PCDH15: variants seen among roughly 807,000 people sequenced by gnomAD.
PCDH15 encodes protocadherin-15.
Under a neutral mutation model 178.5 loss-of-function variants are expected in PCDH15, and 129 were observed. That is an observed-to-expected ratio of 0.72 (90% CI 0.63 to 0.84). The LOEUF (loss-of-function observed/expected upper bound fraction) is 0.84, where lower values mean the gene tolerates loss of function less well. Among genes scored for constraint, PCDH15 ranks in the 40% least tolerant of loss-of-function variants. The pLI is 0.00. For missense variants in PCDH15, 2,230 were observed against 2,099.9 expected, an observed-to-expected ratio of 1.06 and a Z score of -1.21; for synonymous variants, 800 against 732.0, an observed-to-expected ratio of 1.09 and a Z score of -1.50.
chr10:55,319,201 C>T (rs923322583), intron 1 of PCDH15, among the ~76,000 whole-genome samples: 7 of 152,106 alleles, frequency 4.6e-5, no homozygotes, highest in African/African-American at 1.4e-4. Context: ...GGACCAAAGG[C>T]TCTGTGAGTG....
At chr10:55,083,056 TAAGTA>T (rs1842082228) in intron 2 of PCDH15, among the ~76,000 whole-genome samples, 1 of 151,732 alleles carries the variant, frequency 6.6e-6, no homozygotes, top group African/African-American at 2.4e-5. Flanking sequence ...ACAAAGTCAG[TAAGTA>T]TAGTACTGAT....
chr10:54,817,259 GTAA>G (rs1952962271), intron 3 of PCDH15, among the ~76,000 whole-genome samples: 1 of 151,924 alleles, frequency 6.6e-6, no homozygotes, highest in Non-Finnish European at 1.5e-5. Context: ...CTTAGAAGCT[GTAA>G]TAATAATAGC....
intron 2 of PCDH15, among the ~76,000 whole-genome samples, chr10:55,102,071 C>T (rs188009799): frequency 3.2e-4 from 49 of 151,836 alleles, no homozygotes; most frequent in Non-Finnish European, 5.7e-4. Flanking sequence ...GACTATGATG[C>T]TCATCTTTAT....
At chr10:55,556,018 A>G (rs1315534616) in intron 2 of PCDH15, among the ~76,000 whole-genome samples, 1 of 152,064 alleles carries the variant, frequency 6.6e-6, no homozygotes, top group African/African-American at 2.4e-5. Context: ...TGCATATTTC[A>G]AACTTCTTTA....
chr10:55,578,724 C>G (rs1842546462), intron 2 of PCDH15, among the ~76,000 whole-genome samples: 2 of 152,108 alleles, frequency 1.3e-5, no homozygotes, highest in Non-Finnish European at 2.9e-5. Flanking sequence ...TTCCACATGG[C>G]TGGGGAGTCC....
intron 2 of PCDH15, among the ~76,000 whole-genome samples, chr10:55,620,475 CAT>C (rs1843568915): frequency 6.6e-6 from 1 of 152,012 alleles, no homozygotes; most frequent in South Asian, 2.1e-4. Flanking sequence ...TTAGTTAATA[CAT>C]GTTTCAGAAC....
chr10:55,070,419 G>A (rs1312833571), intron 2 of PCDH15, among the ~76,000 whole-genome samples: 32 of 151,786 alleles, frequency 2.1e-4, no homozygotes, highest in Non-Finnish European at 4.0e-4. Flanking sequence ...TAGGTCTAAC[G>A]TTTAAGTCTT....
chr10:55,296,426 A>G (rs1843134409), intron 1 of PCDH15, among the ~76,000 whole-genome samples: 2 of 152,138 alleles, frequency 1.3e-5, no homozygotes, highest in Non-Finnish European at 2.9e-5. Flanking sequence ...ATAACCTTGG[A>G]TGTGGTTAAA....
At chr10:53,981,879 G>C (rs2090673932) in intron 21 of PCDH15, among the ~76,000 whole-genome samples, 1 of 150,134 alleles carries the variant, frequency 6.7e-6, no homozygotes, top group South Asian at 2.1e-4. Context: ...AGAGTGAACA[G>C]GCAACCTACA....
At chr10:54,727,055 A>G (rs887545240) in intron 1 of PCDH15, among the ~76,000 whole-genome samples, 3 of 151,430 alleles carry the variant, frequency 2.0e-5, no homozygotes, top group East Asian at 3.9e-4. Context: ...AAAACTCAGG[A>G]AAGACATTTG....
rs145024307 is a variant in PCDH15, at chr10:53,876,253, T to A, written c.3502-9396A>T. 2.7e-3 allele frequency among the ~76,000 whole-genome samples: 413 copies of A among 151,732 alleles called. 1 individual carries two copies. The highest frequency in any genetic ancestry group is 9.3e-3 in the African/African-American group (384 of 41,370). Reference sequence around the variant, plus strand: ...ACCAGGATGGAGTGCAGTGGCATGATCTCAGCTCACTGCAACCTCCGCCTC... The same window carrying A: ...ACCAGGATGGAGTGCAGTGGCATGAACTCAGCTCACTGCAACCTCCGCCTC... On this transcript the variant is annotated intron_variant, in intron 26 of 37. Coordinates refer to ENST00000644397, the MANE Select transcript of PCDH15 (RefSeq NM_001384140.1).
chr10:55,275,157 A>G (rs1359025280), intron 1 of PCDH15, among the ~76,000 whole-genome samples: 1 of 151,442 alleles, frequency 6.6e-6, no homozygotes, highest in Non-Finnish European at 1.5e-5. Context: ...TTTTTTCTTC[A>G]ATTTTGCAAT....
chr10:53,975,433 C>A (rs2090108308), intron 21 of PCDH15, among the ~76,000 whole-genome samples: 3 of 152,210 alleles, frequency 2.0e-5, no homozygotes, highest in Non-Finnish European at 4.4e-5. Context: ...CCCCCATAAC[C>A]TCACCAGCAT....
At chr10:53,823,789 A>AT (rs1416507664) in intron 32 of PCDH15, 1 of 456,864 alleles carries the variant, frequency 2.2e-6, no homozygotes, top group African/African-American at 2.0e-5. Context: ...GCTGTATCTG[A>AT]TTCAGTACTT....
At chr10:54,353,197 T>C (rs764110226) in intron 5 of PCDH15, among the ~76,000 whole-genome samples, 1 of 152,178 alleles carries the variant, frequency 6.6e-6, no homozygotes, top group South Asian at 2.1e-4. Flanking sequence ...ACATTTGTTT[T>C]ATTCAACCAT....
chr10:54,047,153 A>T (rs1035308091), intron 18 of PCDH15, among the ~76,000 whole-genome samples: 1 of 152,126 alleles, frequency 6.6e-6, no homozygotes, highest in Non-Finnish European at 1.5e-5. Context: ...TATACATTAA[A>T]TAATTTAAAT....
chr10:55,294,868 C>G (rs1843094588), intron 1 of PCDH15, among the ~76,000 whole-genome samples: 1 of 152,148 alleles, frequency 6.6e-6, no homozygotes, highest in Non-Finnish European at 1.5e-5. Context: ...CTTTAAGTGG[C>G]AAGCAGAACA....
intron 1 of PCDH15, among the ~76,000 whole-genome samples, chr10:54,726,147 A>G (rs1942467373): frequency 6.6e-6 from 1 of 151,082 alleles, no homozygotes; most frequent in South Asian, 2.1e-4. Context: ...GCAATACTAC[A>G]TGCCTTTTAT....
At chr10:54,880,699 T>A (rs1012898258) in intron 3 of PCDH15, among the ~76,000 whole-genome samples, 1 of 151,038 alleles carries the variant, frequency 6.6e-6, no homozygotes, top group East Asian at 1.9e-4. Context: ...ATAATCAAAA[T>A]TTGTAATGAT....
Sources: allele counts gnomAD v4.1 joint callset (sites outside exome capture counted in the v4.1 genomes callset), GRCh38; gene constraint gnomAD v4.1.1; transcripts MANE v1.5; gene names NCBI Gene and HGNC (gene_info 2026-07-23, HGNC 2026-07-21).